The following LIMS1 variants were observed in gnomAD, a reference collection of about 807,000 sequenced individuals.
The protein encoded by LIMS1 is LIM zinc finger domain containing 1.
A neutral mutation model predicts 44.1 loss-of-function variants in LIMS1; 18 were observed. The ratio of observed to expected loss-of-function variants is 0.41; its 90% CI spans 0.28 to 0.61. The LOEUF (loss-of-function observed/expected upper bound fraction) is 0.61, where lower values mean the gene tolerates loss of function less well. Ranked by LOEUF, LIMS1 falls within the 20% of genes least tolerant of loss-of-function variation. The pLI, the probability that LIMS1 is intolerant of heterozygous loss-of-function variation, is 0.32. For synonymous variants in LIMS1, 93 were observed against 149.1 expected, an observed-to-expected ratio of 0.62 and a Z score of 2.74; for missense variants, 201 against 422.0, an observed-to-expected ratio of 0.48 and a Z score of 4.59.
chr2:108,620,049 T>C (rs1325200998), intron 1 of LIMS1, among the ~76,000 whole-genome samples: 1 of 152,200 alleles, frequency 6.6e-6, no homozygotes, highest in Non-Finnish European at 1.5e-5. Flanking sequence ...TATGCTGTGT[T>C]TGAATGGCAA....
chr2:108,679,732 C>T (rs897790618), intron 8 of LIMS1, among the ~76,000 whole-genome samples: 3 of 146,910 alleles, frequency 2.0e-5, no homozygotes, highest in South Asian at 2.2e-4. Context: ...GCCTGGGCAA[C>T]AGAGCAAGAC....
intron 2 of LIMS1, among the ~76,000 whole-genome samples, chr2:108,665,198 G>A (rs1215192568): frequency 6.6e-6 from 1 of 152,172 alleles, no homozygotes; most frequent in Non-Finnish European, 1.5e-5. Flanking sequence ...GTTCATTGTT[G>A]TGCAAACATC....
At chr2:108,600,844 G>A in intron 1 of LIMS1, among the ~76,000 whole-genome samples, 1 of 151,482 alleles carries the variant, frequency 6.6e-6, no homozygotes, top group East Asian at 1.9e-4. Context: ...AGATAGCTTT[G>A]GCTATTCAGC....
At chr2:108,682,979 A>G (rs538654856) in intron 9 of LIMS1, among the ~76,000 whole-genome samples, 3 of 152,360 alleles carry the variant, frequency 2.0e-5, no homozygotes, top group South Asian at 4.1e-4. Flanking sequence ...TGCATTACAG[A>G]TGATCAGGAG....
chr2:108,551,901 A>T (rs892132002), intron 1 of LIMS1, among the ~76,000 whole-genome samples: 1 of 142,248 alleles, frequency 7.0e-6, no homozygotes, highest in Non-Finnish European at 1.5e-5. Flanking sequence ...ATACATGTAT[A>T]TATGTATATG....
intron 1 of LIMS1, among the ~76,000 whole-genome samples, chr2:108,603,419 A>G (rs529902191): frequency 6.6e-6 from 1 of 150,632 alleles, no homozygotes; most frequent in African/African-American, 2.4e-5. Context: ...ATTTATTGGC[A>G]TATAGTTGCT....
chr2:108,647,576 G>C (rs1397259210), intron 1 of LIMS1, among the ~76,000 whole-genome samples: 1 of 152,202 alleles, frequency 6.6e-6, no homozygotes, highest in Non-Finnish European at 1.5e-5. Flanking sequence ...TAAAATACTA[G>C]CAAACGGAAT....
chr2:108,637,365 T>A (rs1689352323), intron 1 of LIMS1, among the ~76,000 whole-genome samples: 1 of 152,182 alleles, frequency 6.6e-6, no homozygotes, highest in Non-Finnish European at 1.5e-5. Flanking sequence ...TACCTTATCA[T>A]TGAGGGAAGT....
At chr2:108,541,028 G>A (rs147904883) in intron 1 of LIMS1, among the ~76,000 whole-genome samples, 11 of 152,334 alleles carry the variant, frequency 7.2e-5, no homozygotes, top group Non-Finnish European at 1.3e-4. Context: ...TATTGGCCCA[G>A]AATTGTTCTA....
intron 1 of LIMS1, among the ~76,000 whole-genome samples, chr2:108,625,214 A>G (rs1358211347): frequency 6.6e-6 from 1 of 152,236 alleles, no homozygotes; most frequent in Non-Finnish European, 1.5e-5. Context: ...AAAATAATAA[A>G]AATATTTTTC....
intron 1 of LIMS1, chr2:108,655,140 C>T: frequency 6.3e-7 from 1 of 1,590,372 alleles, no homozygotes; most frequent in Non-Finnish European, 8.6e-7. Flanking sequence ...CCCGAGCAGC[C>T]CTTAACACTG....
chr2:108,536,741 T>G (rs1684155412), intron 1 of LIMS1, among the ~76,000 whole-genome samples: 1 of 152,088 alleles, frequency 6.6e-6, no homozygotes, highest in Non-Finnish European at 1.5e-5. Context: ...CCACCATGCC[T>G]GGATAATTTT....
intron 1 of LIMS1, among the ~76,000 whole-genome samples, chr2:108,657,343 G>C (rs867331670): frequency 7.2e-3 from 1,087 of 151,842 alleles, no homozygotes; most frequent in Middle Eastern, 0.017. Context: ...GTTGAGGTTT[G>C]GTGAATCTTT....
At chr2:108,625,526 TC>T (rs1374958897) in intron 1 of LIMS1, among the ~76,000 whole-genome samples, 1 of 152,176 alleles carries the variant, frequency 6.6e-6, no homozygotes, top group Non-Finnish European at 1.5e-5. Context: ...GTTAGGTTTA[TC>T]TTGCCTGGAT....
intron 1 of LIMS1, among the ~76,000 whole-genome samples, chr2:108,583,738 A>C (rs1457767647): frequency 7.5e-6 from 1 of 132,554 alleles, no homozygotes; most frequent in Admixed American, 9.6e-5. Context: ...ACTCTCGCTC[A>C]GGCTGGAGTG....
chr2:108,538,276 T>C (rs1684207338), intron 1 of LIMS1, among the ~76,000 whole-genome samples: 1 of 152,230 alleles, frequency 6.6e-6, no homozygotes, highest in African/African-American at 2.4e-5. Context: ...ATCTCTTTTA[T>C]TTGATCATAT....
intron 1 of LIMS1, among the ~76,000 whole-genome samples, chr2:108,650,701 C>T (rs947701512): frequency 5.3e-5 from 8 of 152,218 alleles, no homozygotes; most frequent in African/African-American, 1.9e-4. Context: ...GCAGGGATTA[C>T]AGGCGTGAGC....
At chr2:108,582,416 T>C (rs1252120115) in intron 1 of LIMS1, among the ~76,000 whole-genome samples, 1 of 152,210 alleles carries the variant, frequency 6.6e-6, no homozygotes, top group Admixed American at 6.5e-5. Flanking sequence ...TGTATAATGA[T>C]GAACATAGAA....
chr2:108,671,192 A>G (rs1462103427), intron 3 of LIMS1, among the ~76,000 whole-genome samples: 1 of 151,982 alleles, frequency 6.6e-6, no homozygotes, highest in Non-Finnish European at 1.5e-5. Context: ...GTAAGTTTCC[A>G]CATTACTTCA....
Sources: allele counts gnomAD v4.1 joint callset (sites outside exome capture counted in the v4.1 genomes callset), GRCh38; gene constraint gnomAD v4.1.1; transcripts MANE v1.5; gene names NCBI Gene and HGNC (gene_info 2026-07-23, HGNC 2026-07-21).